Variants in VPS8 observed in about 807,000 individuals in gnomAD.
VPS8 encodes the protein VPS8 subunit of CORVET complex, also known as vacuolar protein sorting-associated protein 8 homolog.
A neutral mutation model predicts 216.4 loss-of-function variants in VPS8; 129 were observed. The ratio of observed to expected loss-of-function variants is 0.60; its 90% CI spans 0.52 to 0.69. The LOEUF (loss-of-function observed/expected upper bound fraction) is 0.69. Ranked by LOEUF, VPS8 falls within the 30% of genes least tolerant of loss-of-function variation. VPS8 has a pLI of 0.00. For missense variants in VPS8, 1,531 were observed against 1,683.5 expected (o/e 0.91, Z 1.59); for synonymous variants, 571 against 565.4 (o/e 1.01, Z -0.14).
rs570676595 is a variant in VPS8, at chr3:185,027,978, C to G, written c.4056+3589C>G. On this transcript the variant is annotated intron_variant, in intron 46 of 47. Coordinates refer to ENST00000625842, the MANE Select transcript of VPS8 (RefSeq NM_001009921.3). ...TTACTTTATCAATGAGAGTCCATTT[C>G]CAATATTCACCATGGCGGTTAACAA... Among the ~76,000 whole-genome samples, 3 of 152,284 alleles carry G rather than the reference C, an allele frequency of 2.0e-5. No homozygotes were observed. The South Asian group carries it at 6.2e-4, about 32-fold the overall frequency.
At chr3:184,970,087 T>G (rs1417058997) in intron 39 of VPS8, among the ~76,000 whole-genome samples, 2 of 151,570 alleles carry the variant, frequency 1.3e-5, no homozygotes, top group Non-Finnish European at 2.9e-5. Flanking sequence ...ATTTTTGTAT[T>G]TTTAGTAGAG....
chr3:184,871,080 A>T (rs1439150699), intron 21 of VPS8, among the ~76,000 whole-genome samples: 1 of 152,024 alleles, frequency 6.6e-6, no homozygotes, highest in Non-Finnish European at 1.5e-5. Context: ...GTAAACTGAT[A>T]CCTTATAGTG....
rs537840693 is a variant in VPS8, at chr3:185,025,502, A to C, written c.4056+1113A>C. On this transcript the variant is annotated intron_variant, in intron 46 of 47. Transcript: ENST00000625842. ...ATGGGTCCCCCTCCTCTGACTTCAG[A>C]ATCCCCTGAGACTTTTTCAGAAGAG... is the stretch of plus-strand genomic sequence containing the variant. Among the ~76,000 whole-genome samples, 4 of 152,340 alleles carry C rather than the reference A, an allele frequency of 2.6e-5. No individual in the cohort carries two copies. In the South Asian group the frequency reaches 8.3e-4, roughly 32 times the overall value.
intron 21 of VPS8, among the ~76,000 whole-genome samples, chr3:184,875,302 T>C (rs1729056099): frequency 6.6e-6 from 1 of 152,132 alleles, no homozygotes; most frequent in Non-Finnish European, 1.5e-5. Flanking sequence ...AGAGTCAGAA[T>C]ATGTAAGGCT....
At chr3:185,004,284 C>T (rs967832328) in intron 45 of VPS8, among the ~76,000 whole-genome samples, 1 of 152,250 alleles carries the variant, frequency 6.6e-6, no homozygotes, top group Admixed American at 6.5e-5. Context: ...TGGAGACCAG[C>T]CCGGCCAACA....
intron 5 of VPS8, among the ~76,000 whole-genome samples, chr3:184,837,726 C>G (rs1194021835): frequency 6.6e-6 from 1 of 152,034 alleles, no homozygotes; most frequent in South Asian, 2.1e-4. Flanking sequence ...TAATAATTGA[C>G]CACGCTGACA....
At chr3:184,950,150 C>G (rs1576951433) in intron 36 of VPS8, among the ~76,000 whole-genome samples, 1 of 151,200 alleles carries the variant, frequency 6.6e-6, no homozygotes, top group African/African-American at 2.4e-5. Context: ...TCAAAGAATC[C>G]ACCCACCTCA....
At chr3:185,019,990 G>A (rs1406754727) in intron 45 of VPS8, among the ~76,000 whole-genome samples, 1 of 152,164 alleles carries the variant, frequency 6.6e-6, no homozygotes, top group Non-Finnish European at 1.5e-5. Flanking sequence ...TATAGGAAAG[G>A]GAGTTGTGGC....
intron 26 of VPS8, among the ~76,000 whole-genome samples, chr3:184,914,139 G>A (rs1043646447): frequency 2.6e-5 from 4 of 152,200 alleles, no homozygotes; most frequent in Non-Finnish European, 5.9e-5. Flanking sequence ...TGTCAGGAAG[G>A]TGGCAGAACC....
rs1201749700 is a variant in VPS8, at chr3:185,052,024, G to A, written c.4286G>A (p.Ter1429=). ...QLIPPPVTED[*] ...ATTCCTCCACCTGTGACTGAGGATTGATGACTCCATGGAGCCTGGCCCAGG... is the reference window on the plus strand; with the variant it reads ...ATTCCTCCACCTGTGACTGAGGATTAATGACTCCATGGAGCCTGGCCCAGG... Residue 1429 remains the stop codon, a stop_retained_variant, in exon 48 of 48, where the codon TGA becomes TAA. Coordinates refer to ENST00000625842, the MANE Select transcript of VPS8 (RefSeq NM_001009921.3). The A allele has an allele frequency of 6.2e-7, 1 of 1,609,184 alleles. No homozygotes were observed. The highest frequency in any genetic ancestry group is 8.5e-7 in the Non-Finnish European group (1 of 1,176,988).
At chr3:184,968,919 G>T (rs1322357050) in intron 39 of VPS8, among the ~76,000 whole-genome samples, 1 of 152,088 alleles carries the variant, frequency 6.6e-6, no homozygotes, top group East Asian at 1.9e-4. Flanking sequence ...AGATGATAGG[G>T]TCTATGTTGT....
At chr3:184,902,501 A>AT (rs201291790) in intron 25 of VPS8, among the ~76,000 whole-genome samples, 10 of 150,120 alleles carry the variant, frequency 6.7e-5, no homozygotes, top group East Asian at 2.0e-4. Context: ...CATCTTATTA[A>AT]TTTTTTTTTG....
chr3:185,009,985 C>CAAAAAAA (rs11367805), intron 45 of VPS8, among the ~76,000 whole-genome samples: 8 of 91,390 alleles, frequency 8.8e-5, no homozygotes, highest in African/African-American at 3.1e-4. Context: ...ACTTCAGGTC[C>CAAAAAAA]AAAAAAAAAA....
chr3:184,849,684 T>G, intron 9 of VPS8: 1 of 466,942 alleles, frequency 2.1e-6, no homozygotes, highest in East Asian at 4.0e-5. Context: ...AAATATCTTT[T>G]GTCTCTCAGT....
In VPS8 at chr3:184,869,506, G is replaced by T. The variant is rs774121059; in HGVS notation, c.1622G>T (p.Arg541Leu). 6.2e-7 allele frequency: 1 copy of T among 1,613,478 alleles called. No homozygotes were observed. The highest frequency in any genetic ancestry group is 1.7e-4 in the Middle Eastern group (1 of 6,054). Residue 541 changes from arginine to leucine, a missense_variant, in exon 20 of 48, where the codon CGA (arginine) becomes CTA (leucine). Arg to Leu is a moderately radical substitution (Grantham distance 102). Transcript: ENST00000625842. Reference sequence around the variant, plus strand: ...GGATTATCAGGGGATGCCAGTAAGCGAAAGGCTATTGTTGCAGACCGGGTG... The same window carrying T: ...GGATTATCAGGGGATGCCAGTAAGCTAAAGGCTATTGTTGCAGACCGGGTG... ...VVGLSGDASK[R>L]KAIVADRMVE...
intron 46 of VPS8, among the ~76,000 whole-genome samples, chr3:185,034,247 A>G (rs1282384488): frequency 6.6e-6 from 1 of 152,232 alleles, no homozygotes; most frequent in African/African-American, 2.4e-5. Context: ...GTAGTAGTCC[A>G]TGTGTACCAG....
chr3:184,971,598 G>C, intron 39 of VPS8, 51 bp from the exon 40 acceptor site: 1 of 1,443,448 alleles, frequency 6.9e-7, no homozygotes, highest in Non-Finnish European at 9.5e-7. Flanking sequence ...GAGGCTCTGA[G>C]ATTATCAGCA....
At chr3:185,039,752 C>T (rs890183656) in intron 46 of VPS8, among the ~76,000 whole-genome samples, 2 of 152,036 alleles carry the variant, frequency 1.3e-5, no homozygotes, top group Admixed American at 1.3e-4. Flanking sequence ...TCATGGGTCT[C>T]ATGTGCAAAT....
At chr3:184,996,593 C>A in intron 44 of VPS8, 92 bp downstream of exon 44, 3 of 1,411,578 alleles carry the variant, frequency 2.1e-6, no homozygotes, top group Non-Finnish European at 9.5e-7. Flanking sequence ...GGTAGTCATT[C>A]TAGCAGTGAA....
Sources: allele counts gnomAD v4.1 joint callset (sites outside exome capture counted in the v4.1 genomes callset), GRCh38; gene constraint gnomAD v4.1.1; transcripts MANE v1.5; gene names NCBI Gene and HGNC (gene_info 2026-07-23, HGNC 2026-07-21).